ADAMTSL1: variants seen among roughly 807,000 people sequenced by gnomAD.
ADAMTSL1 encodes ADAMTS-like protein 1.
ADAMTSL1 carries 126 observed loss-of-function variants against 201.8 expected under a neutral mutation model. The observed-to-expected ratio is 0.62, with a 90% CI of 0.54 to 0.72. The LOEUF is 0.72. ADAMTSL1 is among the 30% of genes least tolerant of loss of function. The probability of loss-of-function intolerance (pLI) is 0.00; values close to 1 mark genes in which losing one functional copy is unlikely to be tolerated. For missense variants in ADAMTSL1, 2,679 were observed against 2,277.8 expected (o/e 1.18, Z -3.59); for synonymous variants, 1,121 against 903.4 (o/e 1.24, Z -4.32).
chr9:18,615,463 CT>C (rs562335099), intron 4 of ADAMTSL1, among the ~76,000 whole-genome samples: 14 of 152,246 alleles, frequency 9.2e-5, no homozygotes, highest in Admixed American at 7.2e-4. Flanking sequence ...AGGTAATGAT[CT>C]TGATTAGAAT....
chr9:18,106,050 C>T (rs1218222692), intron 1 of ADAMTSL1, among the ~76,000 whole-genome samples: 1 of 152,190 alleles, frequency 6.6e-6, no homozygotes, highest in Admixed American at 6.5e-5. Flanking sequence ...ACTCTCATCA[C>T]CTCCTTTCGT....
intron 1 of ADAMTSL1, among the ~76,000 whole-genome samples, chr9:17,976,193 T>G (rs1409198803): frequency 6.6e-6 from 1 of 151,794 alleles, no homozygotes; most frequent in African/African-American, 2.4e-5. Context: ...AAGATCGCTT[T>G]AGCTATTTGG....
At chr9:18,479,690 G>A (rs1431115702) in intron 1 of ADAMTSL1, among the ~76,000 whole-genome samples, 1 of 152,146 alleles carries the variant, frequency 6.6e-6, no homozygotes, top group Non-Finnish European at 1.5e-5. Context: ...AAGCTGTGGG[G>A]GACAGCAGAA....
intron 2 of ADAMTSL1, among the ~76,000 whole-genome samples, chr9:18,450,526 A>T (rs892090163): frequency 6.6e-6 from 1 of 151,894 alleles, no homozygotes; most frequent in Non-Finnish European, 1.5e-5. Context: ...CTGCATGAAA[A>T]CCATATCTCT....
chr9:18,863,106 T>G (rs1385327935), intron 23 of ADAMTSL1, among the ~76,000 whole-genome samples: 1 of 152,176 alleles, frequency 6.6e-6, no homozygotes, highest in Non-Finnish European at 1.5e-5. Flanking sequence ...GGCCAAACTC[T>G]ATCTTACAGT....
At chr9:18,004,905 A>G (rs1208005597) in intron 1 of ADAMTSL1, among the ~76,000 whole-genome samples, 2 of 152,102 alleles carry the variant, frequency 1.3e-5, no homozygotes, top group African/African-American at 4.8e-5. Flanking sequence ...GTTTAAAAAT[A>G]TCTAATTCTA....
exon 2 of ADAMTSL1, chr9:18,163,963 T>G (rs1023611044): frequency 6.6e-6 from 1 of 152,018 alleles, no homozygotes; most frequent in South Asian, 2.1e-4. Context: ...TCTTGAATAG[T>G]CACAAAACTG....
rs547315268 is a variant in ADAMTSL1, at chr9:18,364,690, A to G, written c.208-140139A>G. Among the ~76,000 whole-genome samples the G allele has an allele frequency of 4.5e-4, 68 of 152,312 alleles. No homozygotes were observed. In the South Asian group the frequency reaches 0.013, roughly 28 times the overall value. On this transcript the variant is annotated intron_variant, in intron 2 of 29. Transcript: ENST00000680146. ...CCTGTGACTGGGTAATTTATAAAGA[A>G]AAGAGGTTTAATTGGCTCACAGTTC...
chr9:18,563,583 A>T (rs1326936518), intron 3 of ADAMTSL1, among the ~76,000 whole-genome samples: 1 of 152,190 alleles, frequency 6.6e-6, no homozygotes, highest in Admixed American at 6.5e-5. Flanking sequence ...GCAGGCAGGA[A>T]CGTTTAAGTC....
intron 24 of ADAMTSL1, 145 bp downstream of exon 24, chr9:18,888,188 T>G: frequency 2.4e-6 from 2 of 836,654 alleles, no homozygotes; most frequent in Non-Finnish European, 3.7e-6. Flanking sequence ...TTCCATACAG[T>G]GAGACCCTAC....
At chr9:18,908,033 T>C in intron 28 of ADAMTSL1, 1 of 249,200 alleles carries the variant, frequency 4.0e-6, no homozygotes, top group Non-Finnish European at 7.9e-6. Flanking sequence ...CTGGGAACCA[T>C]CTTGAGGAGG....
intron 23 of ADAMTSL1, among the ~76,000 whole-genome samples, chr9:18,870,342 T>A (rs919044364): frequency 6.6e-6 from 1 of 152,186 alleles, no homozygotes; most frequent in Non-Finnish European, 1.5e-5. Context: ...CTGAATTATG[T>A]TATGTTCCTC....
At chr9:18,464,414 A>G (rs1001461947) in intron 2 of ADAMTSL1, among the ~76,000 whole-genome samples, 1 of 152,252 alleles carries the variant, frequency 6.6e-6, no homozygotes, top group African/African-American at 2.4e-5. Flanking sequence ...ACATTGTATT[A>G]TATGAATTCT....
chr9:18,578,785 A>T (rs892619405), intron 4 of ADAMTSL1, among the ~76,000 whole-genome samples: 10 of 151,336 alleles, frequency 6.6e-5, no homozygotes, highest in Admixed American at 6.6e-4. Flanking sequence ...CTAGTTCTAG[A>T]TCCCTGAGGA....
At chr9:18,482,674 G>A (rs1821788531) in intron 1 of ADAMTSL1, among the ~76,000 whole-genome samples, 1 of 152,152 alleles carries the variant, frequency 6.6e-6, no homozygotes. Context: ...GTATGGTAGG[G>A]TATCTGATTT....
At chr9:18,642,094 G>C (rs1425260389) in intron 7 of ADAMTSL1, among the ~76,000 whole-genome samples, 1 of 151,964 alleles carries the variant, frequency 6.6e-6, no homozygotes, top group African/African-American at 2.4e-5. Context: ...AGGTGATTCA[G>C]AAAGTGGAAT....
At chr9:18,543,114 T>C (rs1820251620) in intron 3 of ADAMTSL1, among the ~76,000 whole-genome samples, 3 of 152,220 alleles carry the variant, frequency 2.0e-5, no homozygotes, top group African/African-American at 7.2e-5. Context: ...TTGGAATTGC[T>C]GTATATTCTC....
At chr9:18,087,494 A>AT (rs1189021371) in intron 1 of ADAMTSL1, among the ~76,000 whole-genome samples, 1 of 152,174 alleles carries the variant, frequency 6.6e-6, no homozygotes, top group African/African-American at 2.4e-5. Flanking sequence ...AAAATTTTTA[A>AT]TTTTTTTAAA....
intron 1 of ADAMTSL1, among the ~76,000 whole-genome samples, chr9:18,099,344 TA>T (rs1824396708): frequency 4.1e-5 from 2 of 48,314 alleles, no homozygotes; most frequent in African/African-American, 7.4e-5. Context: ...TATATATATA[TA>T]TATATATATA....
Sources: allele counts gnomAD v4.1 joint callset (sites outside exome capture counted in the v4.1 genomes callset), GRCh38; gene constraint gnomAD v4.1.1; transcripts MANE v1.5; gene names NCBI Gene and HGNC (gene_info 2026-07-23, HGNC 2026-07-21).